The following CPNE4 variants were observed in gnomAD, a reference collection of about 807,000 sequenced individuals.
CPNE4 encodes the protein copine 4.
CPNE4 carries 25 observed loss-of-function variants against 67.9 expected under a neutral mutation model. That is an observed-to-expected ratio of 0.37 (90% confidence interval 0.27 to 0.51). The LOEUF (loss-of-function observed/expected upper bound fraction) is 0.51. CPNE4 is among the 20% of genes least tolerant of loss of function. CPNE4 has a pLI of 0.93. For missense variants in CPNE4, 464 were observed against 690.8 expected (o/e 0.67, Z 3.68); for synonymous variants, 242 against 244.9 (o/e 0.99, Z 0.11).
intron 2 of CPNE4, among the ~76,000 whole-genome samples, chr3:131,891,171 A>T (rs1029592372): frequency 6.6e-6 from 1 of 152,088 alleles, no homozygotes; most frequent in African/African-American, 2.4e-5. Flanking sequence ...TATATTTTTT[A>T]TCTGGATTGT....
At chr3:132,013,556 G>A (rs369026734) in intron 1 of CPNE4, among the ~76,000 whole-genome samples, 119 of 152,242 alleles carry the variant, frequency 7.8e-4, no homozygotes, top group Middle Eastern at 6.8e-3. Flanking sequence ...ATTAAAAAAT[G>A]TTCAGTTCCC....
chr3:131,992,402 T>C (rs567007560), intron 1 of CPNE4, among the ~76,000 whole-genome samples: 3 of 137,002 alleles, frequency 2.2e-5, no homozygotes, highest in African/African-American at 7.3e-5. Flanking sequence ...CTATTGGATT[T>C]TGGACTTGAA....
intron 2 of CPNE4, among the ~76,000 whole-genome samples, chr3:131,733,105 A>G (rs1271730381): frequency 6.6e-6 from 1 of 152,252 alleles, no homozygotes; most frequent in Non-Finnish European, 1.5e-5. Flanking sequence ...AGAACCAAAA[A>G]GGTTAACTTG....
intron 1 of CPNE4, among the ~76,000 whole-genome samples, chr3:132,030,183 T>A (rs1534805): frequency 2.6e-5 from 4 of 152,210 alleles, no homozygotes; most frequent in Admixed American, 1.3e-4. Context: ...AGAGATTGGC[T>A]CCACTGCTGT....
intron 3 of CPNE4, among the ~76,000 whole-genome samples, chr3:131,721,104 G>C (rs1412480878): frequency 1.3e-5 from 2 of 152,096 alleles, no homozygotes; most frequent in African/African-American, 4.8e-5. Flanking sequence ...TATGATAATC[G>C]CCATTTAATT....
intron 1 of CPNE4, among the ~76,000 whole-genome samples, chr3:131,995,492 C>T (rs1273986129): frequency 1.3e-5 from 2 of 152,128 alleles, no homozygotes; most frequent in Non-Finnish European, 2.9e-5. Flanking sequence ...ACCATGAGAG[C>T]AGATCCTGAC....
chr3:132,037,024 T>G (rs982082631), upstream of CPNE4, among the ~76,000 whole-genome samples: 50 of 152,128 alleles, frequency 3.3e-4, no homozygotes, highest in African/African-American at 1.1e-3. Context: ...CACAACTAGT[T>G]AATGGGAGGA....
intron 1 of CPNE4, among the ~76,000 whole-genome samples, chr3:131,977,694 T>C (rs1230476079): frequency 3.9e-5 from 6 of 152,118 alleles, no homozygotes; most frequent in Admixed American, 3.9e-4. Flanking sequence ...ATTAAAAATA[T>C]TTTTTCATAA....
At chr3:131,997,831 T>C (rs78235547) in intron 1 of CPNE4, among the ~76,000 whole-genome samples, 335 of 152,214 alleles carry the variant, frequency 2.2e-3, no homozygotes, top group African/African-American at 7.7e-3. Context: ...GTTAACATGA[T>C]CTTGCAAGCA....
At chr3:131,642,929 T>TG (rs2079574277) in intron 7 of CPNE4, among the ~76,000 whole-genome samples, 1 of 151,976 alleles carries the variant, frequency 6.6e-6, no homozygotes, top group Non-Finnish European at 1.5e-5. Context: ...CTACAGAGAG[T>TG]GGGGTTCTGC....
intron 2 of CPNE4, among the ~76,000 whole-genome samples, chr3:131,819,491 TACACACACAC>T (rs5852655): frequency 1.4e-4 from 21 of 146,276 alleles, no homozygotes; most frequent in Admixed American, 4.1e-4. Context: ...CACACACAGA[TACACACACAC>T]ACACACACAC....
Position 131,676,387 on chromosome 3 carries a change from C to A in CPNE4, c.592-6623G>T, listed in dbSNP as rs369075189. ...TATTTTATTTATTTATTTTTAACTT[C>A]TAGTTTCAGGGGTACATATGCAGGA... On this transcript the variant is annotated intron_variant, in intron 6 of 15. Transcript: ENST00000429747. 7.2e-5 allele frequency among the ~76,000 whole-genome samples: 11 copies of A among 152,072 alleles called. No individual in the cohort carries two copies. The East Asian group carries it at 1.9e-3, about 27-fold the overall frequency.
upstream of CPNE4, among the ~76,000 whole-genome samples, chr3:132,036,788 T>TA (rs1387351722): frequency 1.3e-5 from 2 of 152,100 alleles, no homozygotes; most frequent in African/African-American, 4.8e-5. Context: ...TTTATAAAAT[T>TA]AAAAATAATA....
chr3:131,841,791 T>C (rs2107620668), intron 2 of CPNE4, among the ~76,000 whole-genome samples: 1 of 152,344 alleles, frequency 6.6e-6, no homozygotes, highest in Middle Eastern at 3.4e-3. Flanking sequence ...CAATTAGTCC[T>C]CATCTATCAG....
intron 2 of CPNE4, among the ~76,000 whole-genome samples, chr3:131,853,665 T>C (rs1209284901): frequency 6.6e-6 from 1 of 151,924 alleles, no homozygotes; most frequent in African/African-American, 2.4e-5. Flanking sequence ...AAAACAAATA[T>C]TCATAGCATA....
intron 2 of CPNE4, among the ~76,000 whole-genome samples, chr3:131,783,218 CTA>C: frequency 6.6e-6 from 1 of 152,132 alleles, no homozygotes; most frequent in Non-Finnish European, 1.5e-5. Flanking sequence ...GGAACCTCCA[CTA>C]TAATAAGCAA....
At chr3:131,650,018 C>G (rs1315007258) in intron 7 of CPNE4, among the ~76,000 whole-genome samples, 1 of 152,096 alleles carries the variant, frequency 6.6e-6, no homozygotes, top group East Asian at 1.9e-4. Context: ...GAATTTGTGG[C>G]TGTACTATTC....
intron 2 of CPNE4, among the ~76,000 whole-genome samples, chr3:131,827,030 C>G (rs1292322071): frequency 6.6e-6 from 1 of 151,882 alleles, no homozygotes; most frequent in Non-Finnish European, 1.5e-5. Flanking sequence ...ACAGTAAGAC[C>G]TGACTCTAAA....
At chr3:131,815,795 A>G (rs1041942620) in intron 2 of CPNE4, among the ~76,000 whole-genome samples, 3 of 152,234 alleles carry the variant, frequency 2.0e-5, no homozygotes, top group African/African-American at 7.2e-5. Context: ...GGTTGCGATC[A>G]GGAGGCAACC....
Sources: gnomAD v4.1 joint callset for allele counts (sites outside exome capture counted in the v4.1 genomes callset) on GRCh38, gnomAD v4.1.1 for gene constraint, MANE v1.5 for transcripts, NCBI Gene and HGNC (gene_info 2026-07-23, HGNC 2026-07-21) for gene names.